GTSE1: variants seen among roughly 807,000 people sequenced by gnomAD.
GTSE1 encodes G2 and S phase-expressed protein 1.
A neutral mutation model predicts 60.5 loss-of-function variants in GTSE1; 52 were observed. The ratio of observed to expected loss-of-function variants is 0.86; its 90% confidence interval spans 0.69 to 1.08. The LOEUF is 1.08. Ranked by LOEUF, GTSE1 falls within the 50% of genes least tolerant of loss-of-function variation. GTSE1 has a pLI of 0.00. For missense variants in GTSE1, 937 were observed against 961.8 expected, an observed-to-expected ratio of 0.97 and a Z score of 0.34; for synonymous variants, 368 against 386.5, an observed-to-expected ratio of 0.95 and a Z score of 0.56.
rs1164876356 is a variant in GTSE1, at chr22:46,317,126, T to C, written c.1432+714T>C. ...ACAGGTGCCCACCACCACACCCGGCTAATTTTTTTTTTGTATTTTTGGTAG... is the reference window on the plus strand; with the variant it reads ...ACAGGTGCCCACCACCACACCCGGCCAATTTTTTTTTTGTATTTTTGGTAG... On this transcript the variant is annotated intron_variant, in intron 7 of 11. Coordinates refer to ENST00000454366, the MANE Select transcript of GTSE1 (RefSeq NM_016426.7). The surrounding 1 kb of genome is among the most constrained non-coding windows in gnomAD (Gnocchi z 5.6). Among the ~76,000 whole-genome samples the C allele has an allele frequency of 1.3e-5, 2 of 151,936 alleles. No homozygotes were observed. Among genetic ancestry groups the C allele is most frequent in the African/African-American group, 4.8e-5 (2 of 41,388 alleles).
intron 5 of GTSE1, 47 bp downstream of exon 5, chr22:46,312,352 T>G: frequency 6.4e-7 from 1 of 1,561,216 alleles, no homozygotes; most frequent in Non-Finnish European, 8.7e-7. Flanking sequence ...GGGAATGAGG[T>G]GGCAGCTGTG....
rs1030678031 is a variant in GTSE1 at position 46,307,373 on chromosome 22, T to G, written c.80-777T>G. The stretch of plus-strand genomic sequence containing the variant: ...TGAGGAAGGTGGTCTTTTGAAAATG[T>G]TCTATACCTGGAAAATGACTTATCT... On this transcript the variant is annotated intron_variant, in intron 2 of 11. Transcript: ENST00000454366. Among the ~76,000 whole-genome samples, 11 of 152,242 alleles carry G rather than the reference T, an allele frequency of 7.2e-5. 1 individual carries two copies. Among genetic ancestry groups the G allele is most frequent in the African/African-American group, 2.7e-4 (11 of 41,460 alleles).
chr22:46,307,185 A>C (rs1449086205), intron 2 of GTSE1, among the ~76,000 whole-genome samples: 2 of 152,234 alleles, frequency 1.3e-5, no homozygotes, highest in African/African-American at 4.8e-5. Context: ...TGGGGTACAG[A>C]GTAATTTCAT....
rs1317623930 is a variant in GTSE1, at chr22:46,312,173, G to T, written c.795G>T (p.Arg265Ser). Residue 265 changes from arginine to serine, a missense_variant, in exon 5 of 12, where the codon AGG (arginine) becomes AGT (serine). Physicochemically the swap from Arg to Ser is moderately radical, Grantham distance 110 (BLOSUM62 -1). Coordinates refer to ENST00000454366, the MANE Select transcript of GTSE1 (RefSeq NM_016426.7). ...AAGAGATTCCAGCTAGTCCTTCCAG[G>T]ACAAAAATCCCAGCTGAGAAGGAAT... ...PKKEIPASPS[R>S]TKIPAEKESH... 1 of 1,613,878 alleles carries T rather than the reference G, an allele frequency of 6.2e-7. No homozygotes were observed. The highest frequency in any genetic ancestry group is 1.7e-5 in the Admixed American group (1 of 59,952).
In GTSE1 at chr22:46,313,793, C is replaced by G. The variant is rs566284875; in HGVS notation, c.928-97C>G. 7.7e-4 allele frequency: 1,057 copies of G among 1,372,988 alleles called. 2 individuals carry two copies. Among genetic ancestry groups the G allele is most frequent in the Non-Finnish European group, 1.0e-3 (1,025 of 978,826 alleles). 85.1% of individuals were successfully genotyped at this position (1,372,988 alleles called of 1,614,324 possible). A position where few individuals can be genotyped will look rare whatever the true frequency, so the allele number is the denominator to read the frequency against. Reference sequence around the variant, plus strand: ...AAGTGCTGGGATTACAGGCGTGAGCCACCGTGCCCAGCCAAAAACCCCTTA... The same window carrying G: ...AAGTGCTGGGATTACAGGCGTGAGCGACCGTGCCCAGCCAAAAACCCCTTA... On this transcript the variant is annotated intron_variant, in intron 5 of 11. Transcript: ENST00000454366. The surrounding 1 kb of genome is among the most constrained non-coding windows in gnomAD (Gnocchi z 4.4).
chr22:46,308,139 T>C lies in GTSE1; in HGVS notation c.80-11T>C. On this transcript the variant is annotated splice_polypyrimidine_tract_variant and intron_variant, in intron 2 of 11. Transcript: ENST00000454366. ...GTGGCACTAAAATAACAGTGGATTTTTTCCCTCTAGACATTCTTCTTTTGG... is the reference window on the plus strand; with the variant it reads ...GTGGCACTAAAATAACAGTGGATTTCTTCCCTCTAGACATTCTTCTTTTGG... The C allele has an allele frequency of 6.3e-7, 1 of 1,595,296 alleles. No individual in the cohort carries two copies. Among genetic ancestry groups the C allele is most frequent in the Non-Finnish European group, 8.6e-7 (1 of 1,163,200 alleles).
In GTSE1 at chr22:46,322,186, G is replaced by A. The variant is rs1177252171; in HGVS notation, c.1433-1004G>A. ...GCAGGGACGTGGGACAGGAGCTTGGGTGCAGGCGCAGGAGGGCGGGCATAG... is the reference window on the plus strand; with the variant it reads ...GCAGGGACGTGGGACAGGAGCTTGGATGCAGGCGCAGGAGGGCGGGCATAG... On this transcript the variant is annotated intron_variant, in intron 7 of 11. Transcript: ENST00000454366. Among the ~76,000 whole-genome samples, 3 of 152,116 alleles carry A rather than the reference G, an allele frequency of 2.0e-5. No homozygotes were observed. The East Asian group carries it at 5.8e-4, about 29-fold the overall frequency.
Position 46,316,124 on chromosome 22 carries a change from C to A in GTSE1, c.1144C>A (p.Arg382=). The change falls in exon 7 of 12, where the codon CGG becomes AGG. Residue 382 remains arginine, a synonymous_variant. Coordinates refer to ENST00000454366, the MANE Select transcript of GTSE1 (RefSeq NM_016426.7). This position sits in a 1 kb window ranked among gnomAD's most constrained non-coding sequence, Gnocchi z 5.0. ...KSGRMGPAML[R]PALPAGPVGA... ...AGGCAGAATGGGACCCGCCATGCTG[C>A]GGCCAGCTCTGCCTGCAGGCCCTGT... 1 of 1,597,920 alleles carries A rather than the reference C, an allele frequency of 6.3e-7. No individual in the cohort carries two copies. Among genetic ancestry groups the A allele is most frequent in the African/African-American group, 1.3e-5 (1 of 74,752 alleles).
Position 46,318,392 on chromosome 22 carries a change from G to T in GTSE1, c.1432+1980G>T, listed in dbSNP as rs1397674175. 6.6e-6 allele frequency among the ~76,000 whole-genome samples: 1 copy of T among 152,166 alleles called. No homozygotes were observed. The highest frequency in any genetic ancestry group is 2.4e-5 in the African/African-American group (1 of 41,438). ...TCTGCTGAGTGTCTTCTCTGTGCTGGAATGCTTTGGGGGACAAGGGACATC... is the reference window on the plus strand; with the variant it reads ...TCTGCTGAGTGTCTTCTCTGTGCTGTAATGCTTTGGGGGACAAGGGACATC... On this transcript the variant is annotated intron_variant, in intron 7 of 11. Coordinates refer to ENST00000454366, the MANE Select transcript of GTSE1 (RefSeq NM_016426.7). This position sits in a 1 kb window ranked among gnomAD's most constrained non-coding sequence, Gnocchi z 4.8.
rs2077835563 is a variant in GTSE1 at position 46,324,983 on chromosome 22, T to G, written c.1506-1453T>G. On this transcript the variant is annotated intron_variant, in intron 8 of 11. Coordinates refer to ENST00000454366, the MANE Select transcript of GTSE1 (RefSeq NM_016426.7). This position sits in a 1 kb window ranked among gnomAD's most constrained non-coding sequence, Gnocchi z 5.2. ...CTTGACTCATTTTATTTTAAAATAA[T>G]GTCTTTGTCCTTTTTGGGCTACTAT... Among the ~76,000 whole-genome samples the G allele has an allele frequency of 6.6e-6, 1 of 152,224 alleles. No individual in the cohort carries two copies. Among genetic ancestry groups the G allele is most frequent in the African/African-American group, 2.4e-5 (1 of 41,446 alleles).
At chr22:46,312,400 G>T in intron 5 of GTSE1, 95 bp downstream of exon 5, 1 of 1,264,048 alleles carries the variant, frequency 7.9e-7, no homozygotes. Flanking sequence ...AGCATTTTGG[G>T]AGGCCAAGGT....
rs1160360926 is a variant in GTSE1 at position 46,321,115 on chromosome 22, A to G, written c.1433-2075A>G. The stretch of plus-strand genomic sequence containing the variant: ...TTGGGTCTCACAGAGACCTCTGTGA[A>G]TGGTGCGGGGTCAGTGACCCAAGAA... On this transcript the variant is annotated intron_variant, in intron 7 of 11. Coordinates refer to ENST00000454366, the MANE Select transcript of GTSE1 (RefSeq NM_016426.7). This position sits in a 1 kb window ranked among gnomAD's most constrained non-coding sequence, Gnocchi z 4.0. Among the ~76,000 whole-genome samples the G allele has an allele frequency of 6.6e-6, 1 of 152,138 alleles. No homozygotes were observed. The highest frequency in any genetic ancestry group is 6.5e-5 in the Admixed American group (1 of 15,280).
In GTSE1 at chr22:46,313,923, G is replaced by A. The variant is rs145078864; in HGVS notation, c.961G>A (p.Gly321Ser). 133 of 1,614,114 alleles carry A rather than the reference G, an allele frequency of 8.2e-5. No homozygotes were observed. The highest frequency in any genetic ancestry group is 2.5e-4 in the African/African-American group (19 of 75,036). Reference sequence around the variant, plus strand: ...GAAGAAGACCCTGTTAAAAGCACCCGGCTCTACCAGCAATCTCGCAAGGAA... The same window carrying A: ...GAAGAAGACCCTGTTAAAAGCACCCAGCTCTACCAGCAATCTCGCAAGGAA... ...GLKKTLLKAP[G>S]STSNLARKSS... The change falls in exon 6 of 12, where the codon GGC becomes AGC. Residue 321 changes from glycine (G) to serine (S), a missense_variant. Coordinates refer to ENST00000454366, the MANE Select transcript of GTSE1 (RefSeq NM_016426.7). The surrounding 1 kb of genome is among the most constrained non-coding windows in gnomAD (Gnocchi z 4.4).
chr22:46,328,639 A>G (rs1386397211), intron 9 of GTSE1, 49 bp from the exon 10 acceptor site: 1 of 1,439,342 alleles, frequency 6.9e-7, no homozygotes, highest in African/African-American at 1.4e-5. Flanking sequence ...CAGCCAAGTG[A>G]ACGAGCATTT....
At chr22:46,301,979 T>G (rs1222985385) in intron 2 of GTSE1, among the ~76,000 whole-genome samples, 1 of 152,062 alleles carries the variant, frequency 6.6e-6, no homozygotes, top group Non-Finnish European at 1.5e-5. Context: ...AAATACAAAA[T>G]TAGCCAGACA....
intron 2 of GTSE1, among the ~76,000 whole-genome samples, chr22:46,306,185 T>C (rs192589586): frequency 1.3e-4 from 20 of 152,080 alleles, no homozygotes; most frequent in African/African-American, 4.8e-4. Flanking sequence ...TTTTTATTTA[T>C]TTATTTATTT....
chr22:46,310,167 C>T lies in GTSE1; in HGVS notation c.762+1224C>T, dbSNP rs1224539570. 6.6e-6 allele frequency among the ~76,000 whole-genome samples: 1 copy of T among 152,216 alleles called. No individual in the cohort carries two copies. Among genetic ancestry groups the T allele is most frequent in the African/African-American group, 2.4e-5 (1 of 41,444 alleles). On this transcript the variant is annotated intron_variant, in intron 4 of 11. Coordinates refer to ENST00000454366, the MANE Select transcript of GTSE1 (RefSeq NM_016426.7). This position sits in a 1 kb window ranked among gnomAD's most constrained non-coding sequence, Gnocchi z 4.4. ...AGTGGCTCATGGCACATGCTCACTC[C>T]TGTGAGGAGTCATTAGCAATGGGTG...
Position 46,312,251 on chromosome 22 carries a change from G to T in GTSE1, c.873G>T (p.Pro291=). The change falls in exon 5 of 12, where the codon CCG becomes CCT. Residue 291 remains proline (P), a synonymous_variant. Coordinates refer to ENST00000454366, the MANE Select transcript of GTSE1 (RefSeq NM_016426.7). ...CTGCCCCGGGTGCTGTCAATGTGCC[G>T]GCCGCCGGAAGCCACTTGGGCCAGG... ...DKPAPGAVNV[P]AAGSHLGQGK... 1.2e-6 allele frequency: 2 copies of T among 1,614,046 alleles called. No individual in the cohort carries two copies. Among genetic ancestry groups the T allele is most frequent in the Non-Finnish European group, 1.7e-6 (2 of 1,179,994 alleles).
rs987959498 is a variant in GTSE1 at position 46,316,606 on chromosome 22, C to T, written c.1432+194C>T. On this transcript the variant is annotated intron_variant, in intron 7 of 11. Transcript: ENST00000454366. This position sits in a 1 kb window ranked among gnomAD's most constrained non-coding sequence, Gnocchi z 5.0. ...GGAGGCTCCCTGAATGTCTTACGTT[C>T]GTTCCTGTGTGTGTGACACCCCAAT... 6.6e-6 allele frequency among the ~76,000 whole-genome samples: 1 copy of T among 152,148 alleles called. No homozygotes were observed. Among genetic ancestry groups the T allele is most frequent in the East Asian group, 1.9e-4 (1 of 5,196 alleles).
Sources: gnomAD v4.1 joint callset for allele counts (sites outside exome capture counted in the v4.1 genomes callset) on GRCh38, gnomAD v4.1.1 for gene constraint, Gnocchi (gnomAD v3.1) non-coding constraint, MANE v1.5 for transcripts, NCBI Gene and HGNC (gene_info 2026-07-23, HGNC 2026-07-21) for gene names.